Variants in KLRG1 observed in about 807,000 individuals in gnomAD.
KLRG1 encodes the protein killer cell lectin-like receptor subfamily G member 1.
KLRG1 carries 16 observed loss-of-function variants against 21.8 expected under a neutral mutation model. That is an observed-to-expected ratio of 0.73 (90% CI 0.50 to 1.11). The LOEUF (loss-of-function observed/expected upper bound fraction) is 1.11, where lower values mean the gene tolerates loss of function less well. Among genes scored for constraint, KLRG1 ranks in the 50% most tolerant of loss-of-function variants. KLRG1 has a pLI of 0.00. For missense variants in KLRG1, 173 were observed against 218.3 expected, an observed-to-expected ratio of 0.79 and a Z score of 1.31; for synonymous variants, 69 against 75.9, an observed-to-expected ratio of 0.91 and a Z score of 0.47.
At chr12:9,163,796 C>A in the KLRG1 span, 1 of 1,609,636 alleles carries the variant, frequency 6.2e-7, no homozygotes, top group African/African-American at 1.3e-5. Context: ...TTCCCTAAAA[C>A]AAGGAATATT....
chr12:9,099,484 T>A, the KLRG1 span: 2 of 1,610,508 alleles, frequency 1.2e-6, no homozygotes, highest in South Asian at 2.2e-5. Context: ...AGGAGCAATG[T>A]CTGACTTCAC....
chr12:8,980,563 G>T (rs775831811), intron 1 of KLRG1, among the ~76,000 whole-genome samples: 13 of 152,282 alleles, frequency 8.5e-5, no homozygotes, highest in Middle Eastern at 3.4e-3. Flanking sequence ...TGGTGCACTG[G>T]GTCAGCATGG....
the KLRG1 span, among the ~76,000 whole-genome samples, chr12:9,110,902 A>T: frequency 6.6e-6 from 1 of 152,178 alleles, no homozygotes; most frequent in African/African-American, 2.4e-5. Context: ...CATTTACTAA[A>T]AATGGATTAA....
At chr12:9,000,833 T>G (rs904632203) in intron 3 of KLRG1, among the ~76,000 whole-genome samples, 6 of 152,210 alleles carry the variant, frequency 3.9e-5, no homozygotes, top group African/African-American at 1.2e-4. Flanking sequence ...TGGATATCCA[T>G]CTATTGACAG....
the KLRG1 span, among the ~76,000 whole-genome samples, chr12:9,140,169 T>TA: frequency 6.6e-6 from 1 of 152,122 alleles, no homozygotes; most frequent in African/African-American, 2.4e-5. Flanking sequence ...AGTTTTTGGG[T>TA]AGTTGTCTGT....
chr12:8,994,515 T>A (rs145826289), intron 2 of KLRG1, among the ~76,000 whole-genome samples: 1 of 152,340 alleles, frequency 6.6e-6, no homozygotes, highest in African/African-American at 2.4e-5. Context: ...TTGAAAAATA[T>A]CAAAGTAAGT....
the KLRG1 span, chr12:9,028,213 G>A: frequency 8.9e-6 from 5 of 564,842 alleles, no homozygotes; most frequent in Non-Finnish European, 1.6e-5. Flanking sequence ...ATGCAATGGT[G>A]TGATCTCGGC....
At chr12:9,013,353 CA>C (rs1947657959), downstream of KLRG1, among the ~76,000 whole-genome samples, 1 of 152,132 alleles carries the variant, frequency 6.6e-6, no homozygotes, top group Admixed American at 6.5e-5. Flanking sequence ...TCGAGGAAAA[CA>C]TGACCTCACC....
At chr12:9,127,956 C>A in the KLRG1 span, 7 of 326,308 alleles carry the variant, frequency 2.1e-5, no homozygotes, top group African/African-American at 1.6e-4. Flanking sequence ...GATTGTCTTG[C>A]AGATTGACAC....
chr12:9,153,140 T>C, the KLRG1 span: 2 of 1,614,134 alleles, frequency 1.2e-6, no homozygotes, highest in Non-Finnish European at 1.7e-6. Context: ...GATACACACA[T>C]CTTTCCCCAG....
chr12:8,967,648 A>C (rs2137241581), intron 1 of KLRG1, among the ~76,000 whole-genome samples: 1 of 152,318 alleles, frequency 6.6e-6, no homozygotes, highest in East Asian at 1.9e-4. Flanking sequence ...TGAGCCTAGG[A>C]GTTCAAGGCT....
chr12:9,185,704 C>T, the KLRG1 span, among the ~76,000 whole-genome samples: 6 of 151,970 alleles, frequency 3.9e-5, no homozygotes, highest in Non-Finnish European at 8.8e-5. Flanking sequence ...GGACAAGTCA[C>T]CTACAAAGGG....
chr12:9,040,913 A>G, the KLRG1 span, among the ~76,000 whole-genome samples: 1 of 152,274 alleles, frequency 6.6e-6, no homozygotes, highest in Non-Finnish European at 1.5e-5. Flanking sequence ...AACTAAGTTT[A>G]TGCATGAAGA....
chr12:9,148,096 A>G, the KLRG1 span, among the ~76,000 whole-genome samples: 15 of 152,190 alleles, frequency 9.9e-5, no homozygotes, highest in African/African-American at 3.4e-4. Flanking sequence ...ATGTTTAAAA[A>G]TTACTTTAGA....
the KLRG1 span, chr12:9,157,690 A>G: frequency 7.7e-7 from 1 of 1,303,932 alleles, no homozygotes; most frequent in Non-Finnish European, 1.1e-6. Flanking sequence ...CTTGAGACTC[A>G]ACCCTTAGCA....
the KLRG1 span, among the ~76,000 whole-genome samples, chr12:9,185,455 A>G: frequency 6.6e-6 from 1 of 152,212 alleles, no homozygotes; most frequent in African/African-American, 2.4e-5. Context: ...CTGAATCTAC[A>G]ACTCCTTGAT....
chr12:9,068,106 C>T, the KLRG1 span: 17 of 1,479,638 alleles, frequency 1.1e-5, no homozygotes, highest in Admixed American at 1.3e-4. Flanking sequence ...ATTTACCCAG[C>T]GTTTTATGAA....
chr12:9,110,019 C>T, the KLRG1 span: 71 of 1,611,138 alleles, frequency 4.4e-5, no homozygotes, highest in African/African-American at 6.7e-5. Flanking sequence ...TTGTGCGATG[C>T]GATTTCCTTT....
intron 1 of KLRG1, among the ~76,000 whole-genome samples, chr12:8,952,449 C>T (rs939541595): frequency 6.6e-6 from 1 of 152,212 alleles, no homozygotes; most frequent in Non-Finnish European, 1.5e-5. Context: ...GCCTCAGCCT[C>T]CCAAAATGCT....
Sources: gnomAD v4.1 joint callset for allele counts (sites outside exome capture counted in the v4.1 genomes callset) on GRCh38, gnomAD v4.1.1 for gene constraint, MANE v1.5 for transcripts, NCBI Gene and HGNC (gene_info 2026-07-23, HGNC 2026-07-21) for gene names.